The following SLC5A10 variants were observed in gnomAD, a reference collection of about 807,000 sequenced individuals.
SLC5A10 encodes solute carrier family 5 member 10, also known as sodium/mannose cotransporter SLC5A10.
SLC5A10 carries 55 observed loss-of-function variants against 68.9 expected under a neutral mutation model. The observed-to-expected ratio is 0.80, with a 90% CI of 0.64 to 1.00. The LOEUF (loss-of-function observed/expected upper bound fraction) is 1.00, where lower values mean the gene tolerates loss of function less well. SLC5A10 is among the 50% of genes least tolerant of loss of function. SLC5A10 has a pLI of 0.00. For synonymous variants in SLC5A10, 344 were observed against 344.8 expected (o/e 1.00, Z 0.02); for missense variants, 732 against 819.3 (o/e 0.89, Z 1.30).
intron 9 of SLC5A10, chr17:18,986,113 G>A (rs1292527716): frequency 6.6e-6 from 1 of 152,282 alleles, no homozygotes; most frequent in Non-Finnish European, 1.5e-5. Flanking sequence ...GAGCCGTGTG[G>A]GCAGCACCAG....
chr17:19,021,906 T>C lies in SLC5A10; in HGVS notation c.*1475T>C. ...GAGCTGGGGGTGTCCATGTCCTCTCTGGACCTCAGTTCCTGTAAAAAGGCC... is the reference window on the plus strand; with the variant it reads ...GAGCTGGGGGTGTCCATGTCCTCTCCGGACCTCAGTTCCTGTAAAAAGGCC... On this transcript the variant is annotated 3_prime_UTR_variant, in exon 15 of 15. Coordinates refer to ENST00000395645, the MANE Select transcript of SLC5A10 (RefSeq NM_001042450.4). The surrounding 1 kb of genome is among the most constrained non-coding windows in gnomAD (Gnocchi z 4.1). 1.4e-6 allele frequency: 2 copies of C among 1,441,148 alleles called. No homozygotes were observed. The highest frequency in any genetic ancestry group is 1.5e-5 in the South Asian group (1 of 67,412). The allele number at this position is 1,441,148 out of a possible 1,614,324, so 89.3% of individuals were successfully genotyped here.
In SLC5A10 at chr17:19,000,500, G is replaced by A. The variant is rs531773029; in HGVS notation, c.983-12910G>A. On this transcript the variant is annotated intron_variant, in intron 9 of 14. Coordinates refer to ENST00000395645, the MANE Select transcript of SLC5A10 (RefSeq NM_001042450.4). This position sits in a 1 kb window ranked among gnomAD's most constrained non-coding sequence, Gnocchi z 5.2. ...TTCCATTCTAGTCATTTGGGAACAGGGGGGACTGACAGCAGTCCTGACAGG... is the reference window on the plus strand; with the variant it reads ...TTCCATTCTAGTCATTTGGGAACAGAGGGGACTGACAGCAGTCCTGACAGG... Among the ~76,000 whole-genome samples the A allele has an allele frequency of 4.6e-5, 7 of 152,288 alleles. No homozygotes were observed. In the East Asian group the frequency reaches 9.7e-4, roughly 21 times the overall value.
At chr17:18,964,172 C>A (rs1258817223) in intron 5 of SLC5A10, among the ~76,000 whole-genome samples, 18 of 152,202 alleles carry the variant, frequency 1.2e-4, no homozygotes, top group Non-Finnish European at 1.5e-5. Flanking sequence ...CGCCTGCTGG[C>A]TGTGTGCTCC....
chr17:18,978,743 T>A, intron 9 of SLC5A10: 1 of 1,612,866 alleles, frequency 6.2e-7, no homozygotes, highest in Non-Finnish European at 8.5e-7. Context: ...GCTCACACTG[T>A]GTGACATGAG....
chr17:18,972,893 C>G (rs907767970), intron 8 of SLC5A10, among the ~76,000 whole-genome samples: 1 of 151,984 alleles, frequency 6.6e-6, no homozygotes, highest in South Asian at 2.1e-4. Context: ...AAGAACAGAC[C>G]CCAACTAGGA....
Position 19,003,865 on chromosome 17 carries a change from G to C in SLC5A10, c.983-9545G>C. 4.3e-6 allele frequency: 7 copies of C among 1,613,062 alleles called. No homozygotes were observed. The highest frequency in any genetic ancestry group is 5.1e-6 in the Non-Finnish European group (6 of 1,179,926). ...GGATGCGCTTGAGCTCCAGCTCCGAGAGGAAGTCTCGGATGTTCTCCCGCT... is the reference window on the plus strand; with the variant it reads ...GGATGCGCTTGAGCTCCAGCTCCGACAGGAAGTCTCGGATGTTCTCCCGCT... On this transcript the variant is annotated intron_variant, in intron 9 of 14. Coordinates refer to ENST00000395645, the MANE Select transcript of SLC5A10 (RefSeq NM_001042450.4). This position sits in a 1 kb window ranked among gnomAD's most constrained non-coding sequence, Gnocchi z 4.5.
Position 18,971,337 on chromosome 17 carries a change from G to A in SLC5A10, c.846+119G>A, listed in dbSNP as rs2042840358. Reference sequence around the variant, plus strand: ...TCTGGGCTGGGGCCTCAGAAGGTGTGGCTCCAGGCTGGGACATGCTGCTAG... The same window carrying A: ...TCTGGGCTGGGGCCTCAGAAGGTGTAGCTCCAGGCTGGGACATGCTGCTAG... On this transcript the variant is annotated intron_variant, in intron 8 of 14. Transcript: ENST00000395645. This position sits in a 1 kb window ranked among gnomAD's most constrained non-coding sequence, Gnocchi z 5.5. 6.2e-7 allele frequency: 1 copy of A among 1,605,644 alleles called. No individual in the cohort carries two copies. Among genetic ancestry groups the A allele is most frequent in the Admixed American group, 1.7e-5 (1 of 59,462 alleles).
chr17:18,973,798 A>G (rs1372316047), intron 8 of SLC5A10, among the ~76,000 whole-genome samples: 1 of 151,560 alleles, frequency 6.6e-6, no homozygotes, highest in African/African-American at 2.4e-5. Context: ...CCTGGGTTCA[A>G]GTGATTCTCC....
chr17:18,960,754 T>A, intron 5 of SLC5A10, 102 bp downstream of exon 5: 1 of 1,181,742 alleles, frequency 8.5e-7, no homozygotes, highest in Non-Finnish European at 1.2e-6. Context: ...CTGCCTTGTT[T>A]AACAGCTGGG....
intron 9 of SLC5A10, among the ~76,000 whole-genome samples, chr17:19,009,631 G>A (rs2043972562): frequency 6.6e-6 from 1 of 152,180 alleles, no homozygotes; most frequent in Admixed American, 6.5e-5. Flanking sequence ...GGAGTAGAGA[G>A]CACCTTGATT....
chr17:18,992,239 G>A (rs1057454193), intron 9 of SLC5A10, among the ~76,000 whole-genome samples: 4 of 152,082 alleles, frequency 2.6e-5, no homozygotes, highest in Non-Finnish European at 5.9e-5. Flanking sequence ...CCTGTGTCTC[G>A]AATCCCCCAC....
intron 9 of SLC5A10, among the ~76,000 whole-genome samples, chr17:19,007,995 GTTAC>G (rs1379077788): frequency 6.6e-5 from 10 of 152,220 alleles, no homozygotes; most frequent in African/African-American, 2.2e-4. Flanking sequence ...AAGCAGAAAT[GTTAC>G]TTAGTGCTCT....
At chr17:18,952,395 C>T (rs542237738) in intron 1 of SLC5A10, 79 bp downstream of exon 1, 8 of 1,503,774 alleles carry the variant, frequency 5.3e-6, no homozygotes, top group Non-Finnish European at 7.2e-6. Context: ...TCCAGCATGT[C>T]CCTGTGGTGT....
chr17:19,020,028 G>A, intron 13 of SLC5A10, 100 bp downstream of exon 13: 2 of 1,437,294 alleles, frequency 1.4e-6, no homozygotes. Flanking sequence ...TCTAGCCCTG[G>A]ACTACCTAGC....
At chr17:18,957,964 A>G (rs578035375) in intron 1 of SLC5A10, among the ~76,000 whole-genome samples, 6 of 152,338 alleles carry the variant, frequency 3.9e-5, no homozygotes, top group Admixed American at 3.3e-4. Context: ...CTTTTCATAT[A>G]AATGGAATCA....
At chr17:19,013,686 C>T (rs940328454) in intron 10 of SLC5A10, among the ~76,000 whole-genome samples, 169 bp downstream of exon 10, 2 of 150,254 alleles carry the variant, frequency 1.3e-5, no homozygotes, top group African/African-American at 4.9e-5. Flanking sequence ...ATAATGGCAT[C>T]TACCCACCCC....
chr17:18,981,702 C>A (rs2469861), intron 9 of SLC5A10, among the ~76,000 whole-genome samples: 151,113 of 152,254 alleles, frequency 0.99, 75,050 homozygotes, highest in Middle Eastern at 1. Context: ...TGGGATAAAC[C>A]ATAGCCTTTT....
chr17:18,966,764 A>C (rs572367746), intron 5 of SLC5A10, among the ~76,000 whole-genome samples: 3 of 151,348 alleles, frequency 2.0e-5, no homozygotes, highest in Non-Finnish European at 3.0e-5. Context: ...AAAAAAAAAA[A>C]AACAACACTC....
chr17:18,954,794 C>T (rs946808540), intron 1 of SLC5A10, among the ~76,000 whole-genome samples: 3 of 152,158 alleles, frequency 2.0e-5, no homozygotes, highest in Non-Finnish European at 2.9e-5. Flanking sequence ...AAATGTAGGC[C>T]GGGCGCAGTG....
Sources: gnomAD v4.1 joint callset for allele counts (sites outside exome capture counted in the v4.1 genomes callset) on GRCh38, gnomAD v4.1.1 for gene constraint, Gnocchi (gnomAD v3.1) non-coding constraint, MANE v1.5 for transcripts, NCBI Gene and HGNC (gene_info 2026-07-23, HGNC 2026-07-21) for gene names.